The following PDZD8 variants were observed in gnomAD, a reference collection of about 807,000 sequenced individuals.
The protein encoded by PDZD8 is PDZ domain-containing protein 8.
In PDZD8, 14 loss-of-function variants were observed where a neutral mutation model predicts 85.8. That is an observed-to-expected ratio of 0.16 (90% CI 0.11 to 0.26). PDZD8 has a LOEUF of 0.26. Ranked by LOEUF, PDZD8 falls within the 10% of genes least tolerant of loss-of-function variation. The pLI is 1.00. For synonymous variants in PDZD8, 592 were observed against 568.6 expected (o/e 1.04, Z -0.59); for missense variants, 1,197 against 1,424.3 (o/e 0.84, Z 2.57).
rs189834413 is a variant in PDZD8, at chr10:117,334,200, G to A, written c.995+6780C>T. 3.3e-5 allele frequency among the ~76,000 whole-genome samples: 5 copies of A among 152,356 alleles called. No homozygotes were observed. The East Asian group carries it at 5.8e-4, about 18-fold the overall frequency. Reference sequence around the variant, plus strand: ...TTTCAATTATCAAAAAACTGCAGCTGCAGGCAGGGCACAGGGCTTCATGCC... The same window carrying A: ...TTTCAATTATCAAAAAACTGCAGCTACAGGCAGGGCACAGGGCTTCATGCC... On this transcript the variant is annotated intron_variant, in intron 2 of 4. Transcript: ENST00000334464.
At chr10:117,364,555 T>C (rs1407962554) in intron 1 of PDZD8, among the ~76,000 whole-genome samples, 1 of 151,492 alleles carries the variant, frequency 6.6e-6, no homozygotes. Flanking sequence ...TAAACCACTA[T>C]TTTTTTTAAC....
At chr10:117,339,128 CAAAAAAAAAAA>C (rs71013660) in intron 2 of PDZD8, among the ~76,000 whole-genome samples, 367 of 129,358 alleles carry the variant, frequency 2.8e-3, no homozygotes, top group Middle Eastern at 8.3e-3. Flanking sequence ...TGGACTTAAC[CAAAAAAAAAAA>C]AAAAAAAAAA....
Position 117,282,995 on chromosome 10 carries a change from T to C in PDZD8, c.*273A>G, listed in dbSNP as rs570483780. ...CATAAACATGAAAAGCTAGCTTACA[T>C]AATTACATAATTAGAAAAGTTAAAT... On this transcript the variant is annotated 3_prime_UTR_variant, in exon 5 of 5. Transcript: ENST00000334464. The C allele has an allele frequency of 8.3e-5, 31 of 372,494 alleles. No individual in the cohort carries two copies. The highest frequency in any genetic ancestry group is 6.1e-4 in the African/African-American group (29 of 47,790). 23.1% of individuals were successfully genotyped at this position (372,494 alleles called of 1,614,324 possible).
intron 2 of PDZD8, 141 bp downstream of exon 2, chr10:117,340,839 T>C (rs1232135493): frequency 9.9e-7 from 1 of 1,013,884 alleles, no homozygotes; most frequent in East Asian, 2.7e-5. Flanking sequence ...AAGGACTACT[T>C]TTATGATATT....
chr10:117,374,619 G>A lies in PDZD8; in HGVS notation c.609C>T (p.His203=), dbSNP rs1455502074. 1.9e-6 allele frequency: 3 copies of A among 1,585,692 alleles called. No homozygotes were observed. The highest frequency in any genetic ancestry group is 2.6e-6 in the Non-Finnish European group (3 of 1,165,560). Reference sequence around the variant, plus strand: ...AGACCAGGTCCACGTCGATGGCCAGGTGGAAGCCCCCGTTGTACTCCACCT... The same window carrying A: ...AGACCAGGTCCACGTCGATGGCCAGATGGAAGCCCCCGTTGTACTCCACCT... The part of the protein sequence containing the change: ...EAEVEYNGGF[H]LAIDVDLVFG... Residue 203 remains histidine (H), a synonymous_variant, in exon 1 of 5, where the codon CAC becomes CAT. Transcript: ENST00000334464. This position sits in a 1 kb window ranked among gnomAD's most constrained non-coding sequence, Gnocchi z 7.8.
chr10:117,369,035 T>C (rs996077027), intron 1 of PDZD8, among the ~76,000 whole-genome samples: 2 of 152,082 alleles, frequency 1.3e-5, no homozygotes, highest in African/African-American at 2.4e-5. Context: ...GGTTTCACCA[T>C]GTTGGCCAGG....
intron 1 of PDZD8, among the ~76,000 whole-genome samples, chr10:117,346,031 A>G (rs1844700724): frequency 6.6e-6 from 1 of 152,130 alleles, no homozygotes; most frequent in South Asian, 2.1e-4. Context: ...ACCTGAGGTC[A>G]GGAGTTCGAG....
chr10:117,323,683 T>C (rs1844265763), intron 2 of PDZD8, among the ~76,000 whole-genome samples: 1 of 152,084 alleles, frequency 6.6e-6, no homozygotes, highest in East Asian at 1.9e-4. Context: ...AGAACAGTAT[T>C]CTCCTGAGAA....
intron 3 of PDZD8, among the ~76,000 whole-genome samples, chr10:117,294,327 C>CAAAAA (rs71013656): frequency 6.3e-5 from 9 of 142,624 alleles, no homozygotes; most frequent in African/African-American, 1.9e-4. Flanking sequence ...ACCAAAAAGA[C>CAAAAA]AAAAAAAAAA....
intron 2 of PDZD8, among the ~76,000 whole-genome samples, chr10:117,326,292 T>G (rs1844314967): frequency 6.6e-6 from 1 of 152,212 alleles, no homozygotes; most frequent in Non-Finnish European, 1.5e-5. Flanking sequence ...CAATATAAAT[T>G]TCAAGAGACA....
intron 1 of PDZD8, among the ~76,000 whole-genome samples, chr10:117,341,353 T>C (rs554352612): frequency 1.3e-5 from 2 of 152,228 alleles, no homozygotes; most frequent in East Asian, 3.9e-4. Context: ...AAGAAAAGCC[T>C]AGAGGCAGCA....
chr10:117,315,211 A>G (rs1037712312), intron 3 of PDZD8, among the ~76,000 whole-genome samples: 6 of 152,156 alleles, frequency 3.9e-5, no homozygotes, highest in Non-Finnish European at 8.8e-5. Flanking sequence ...AGTGTGGATA[A>G]ATGATGAAGA....
chr10:117,334,882 C>G (rs1004414414), intron 2 of PDZD8, among the ~76,000 whole-genome samples: 1 of 151,614 alleles, frequency 6.6e-6, no homozygotes, highest in Admixed American at 6.6e-5. Context: ...GCAAACAAAC[C>G]AAACCTCAGG....
rs1267502476 is a variant in PDZD8 at position 117,374,261 on chromosome 10, G to A, written c.872+95C>T. ...GGAAGGCCCCAGAAGCAGGCGCCAGGACAGAAATGAGCCTTTGCCCTTCCC... is the reference window on the plus strand; with the variant it reads ...GGAAGGCCCCAGAAGCAGGCGCCAGAACAGAAATGAGCCTTTGCCCTTCCC... On this transcript the variant is annotated intron_variant, in intron 1 of 4. Coordinates refer to ENST00000334464, the MANE Select transcript of PDZD8 (RefSeq NM_173791.5). This position sits in a 1 kb window ranked among gnomAD's most constrained non-coding sequence, Gnocchi z 7.8. 8.5e-6 allele frequency: 13 copies of A among 1,538,254 alleles called. No homozygotes were observed. Among genetic ancestry groups the A allele is most frequent in the Non-Finnish European group, 1.1e-5 (13 of 1,140,816 alleles).
At chr10:117,372,962 T>C (rs1248479793) in intron 1 of PDZD8, among the ~76,000 whole-genome samples, 3 of 152,112 alleles carry the variant, frequency 2.0e-5, no homozygotes, top group African/African-American at 7.2e-5. Context: ...ATAGGCAACT[T>C]CCACTAAAAG....
intron 3 of PDZD8, among the ~76,000 whole-genome samples, chr10:117,310,146 T>C (rs1003404088): frequency 6.6e-6 from 1 of 152,188 alleles, no homozygotes; most frequent in Non-Finnish European, 1.5e-5. Flanking sequence ...TCAAATAGTC[T>C]CACTCTTAAC....
intron 2 of PDZD8, among the ~76,000 whole-genome samples, chr10:117,334,777 G>A (rs1844487865): frequency 6.6e-6 from 1 of 152,082 alleles, no homozygotes; most frequent in African/African-American, 2.4e-5. Context: ...ACTGGAGATA[G>A]GAGAAGACTC....
At position 117,374,226 on chromosome 10, in the gene PDZD8, G is replaced by A; in HGVS notation, c.872+130C>T. The A allele has an allele frequency of 7.2e-7, 1 of 1,387,444 alleles. No individual in the cohort carries two copies. Among genetic ancestry groups the A allele is most frequent in the Non-Finnish European group, 9.7e-7 (1 of 1,031,632 alleles). The allele number at this position is 1,387,444 out of a possible 1,614,324, so 85.9% of individuals were successfully genotyped here. A position where few individuals can be genotyped will look rare whatever the true frequency, so the allele number is the denominator to read the frequency against. Reference sequence around the variant, plus strand: ...ACGACTCGCCTTGATCTGGGGCCCTGTCCAGGGTGGGAAGGCCCCAGAAGC... The same window carrying A: ...ACGACTCGCCTTGATCTGGGGCCCTATCCAGGGTGGGAAGGCCCCAGAAGC... On this transcript the variant is annotated intron_variant, in intron 1 of 4. Transcript: ENST00000334464. The surrounding 1 kb of genome is among the most constrained non-coding windows in gnomAD (Gnocchi z 7.8).
chr10:117,290,365 A>G lies in PDZD8; in HGVS notation c.1099-17T>C, dbSNP rs1016672736. 6.4e-7 allele frequency: 1 copy of G among 1,570,352 alleles called. No homozygotes were observed. Among genetic ancestry groups the G allele is most frequent in the African/African-American group, 1.4e-5 (1 of 73,600 alleles). Reference sequence around the variant, plus strand: ...TAATTCAACCTTTGATAAAGGGGAAAAAAATGAAAACTGATTCAATGGATT... The same window carrying G: ...TAATTCAACCTTTGATAAAGGGGAAGAAAATGAAAACTGATTCAATGGATT... On this transcript the variant is annotated splice_polypyrimidine_tract_variant and intron_variant, in intron 3 of 4. Transcript: ENST00000334464.
Sources: gnomAD v4.1 joint callset for allele counts (sites outside exome capture counted in the v4.1 genomes callset) on GRCh38, gnomAD v4.1.1 for gene constraint, Gnocchi (gnomAD v3.1) non-coding constraint, MANE v1.5 for transcripts, NCBI Gene and HGNC (gene_info 2026-07-23, HGNC 2026-07-21) for gene names.